The following LIPA variants were observed in gnomAD, a reference collection of about 807,000 sequenced individuals.
LIPA encodes the protein lysosomal acid lipase/cholesteryl ester hydrolase.
Under a neutral mutation model 40.6 loss-of-function variants are expected in LIPA, and 26 were observed. That is an observed-to-expected ratio of 0.64 (90% CI 0.47 to 0.89). The LOEUF is 0.89. Among genes scored for constraint, LIPA ranks in the 40% least tolerant of loss-of-function variants. The probability of loss-of-function intolerance (pLI) is 0.00; values close to 1 mark genes in which losing one functional copy is unlikely to be tolerated. For missense variants in LIPA, 455 were observed against 479.6 expected (o/e 0.95, Z 0.48); for synonymous variants, 188 against 168.4 (o/e 1.12, Z -0.90).
At position 89,384,466 on chromosome 10, in the gene LIPA, G is replaced by A. The variant is rs778626965; in HGVS notation, c.61+28325C>T. ...AAAGCAAGAGATTCATTACCACTAC[G>A]GCCGTTTCCAAGAACATCATGGGAA... On this transcript the variant is annotated intron_variant, in intron 2 of 8. Transcript: ENST00000371837. 7.4e-6 allele frequency: 12 copies of A among 1,613,978 alleles called. No homozygotes were observed. The highest frequency in any genetic ancestry group is 3.3e-5 in the South Asian group (3 of 91,084).
intron 3 of LIPA, among the ~76,000 whole-genome samples, chr10:89,231,784 A>AT (rs1299560829): frequency 5.3e-5 from 8 of 152,198 alleles, no homozygotes. Context: ...GGCTGGTGTG[A>AT]TTTTCTAATC....
intron 1 of LIPA, among the ~76,000 whole-genome samples, chr10:89,250,314 AG>A (rs1843101216): frequency 6.6e-6 from 1 of 152,022 alleles, no homozygotes; most frequent in African/African-American, 2.4e-5. Flanking sequence ...CGTGTTAGCC[AG>A]GATGGTCTCG....
intron 2 of LIPA, among the ~76,000 whole-genome samples, chr10:89,373,560 G>C (rs2133598587): frequency 1.3e-5 from 2 of 152,244 alleles, no homozygotes; most frequent in Middle Eastern, 6.8e-3. Flanking sequence ...ACTCTCTGTA[G>C]AGGTCAGTGC....
chr10:89,368,451 A>G (rs967314106), intron 2 of LIPA, among the ~76,000 whole-genome samples: 1 of 152,200 alleles, frequency 6.6e-6, no homozygotes, highest in Non-Finnish European at 1.5e-5. Context: ...GGACTTCCAC[A>G]AACATGCTCA....
At chr10:89,397,804 A>G (rs1844366789) in intron 2 of LIPA, among the ~76,000 whole-genome samples, 1 of 152,146 alleles carries the variant, frequency 6.6e-6, no homozygotes, top group Admixed American at 6.5e-5. Context: ...TACAGATGAG[A>G]GTCTTCTCTG....
At chr10:89,316,892 T>G (rs1843544237) in intron 1 of LIPA, among the ~76,000 whole-genome samples, 2 of 152,168 alleles carry the variant, frequency 1.3e-5, no homozygotes, top group South Asian at 4.1e-4. Context: ...AGAGAAAGGA[T>G]CAGGCAGCAA....
intron 2 of LIPA, chr10:89,412,543 A>G (rs1341802736): frequency 1.1e-5 from 2 of 179,610 alleles, no homozygotes; most frequent in South Asian, 7.8e-5. Flanking sequence ...GTCTGCTTCC[A>G]CGTCGTGGAA....
At chr10:89,234,690 G>A (rs567971905) in intron 3 of LIPA, among the ~76,000 whole-genome samples, 6 of 152,298 alleles carry the variant, frequency 3.9e-5, no homozygotes, top group East Asian at 3.9e-4. Context: ...CACCAAAGAA[G>A]GATTTAAGGA....
At chr10:89,215,770 A>G (rs945788836) in intron 9 of LIPA, among the ~76,000 whole-genome samples, 168 bp downstream of exon 9, 3 of 152,220 alleles carry the variant, frequency 2.0e-5, no homozygotes, top group African/African-American at 4.8e-5. Context: ...CCACAACACC[A>G]GCTACAAAGC....
At chr10:89,228,665 A>G (rs568131995) in intron 3 of LIPA, among the ~76,000 whole-genome samples, 61 of 152,360 alleles carry the variant, frequency 4.0e-4, no homozygotes, top group African/African-American at 1.3e-3. Context: ...AAAAATCAAT[A>G]TATTTTTAAG....
At chr10:89,378,392 C>T (rs989057811) in intron 2 of LIPA, among the ~76,000 whole-genome samples, 3 of 152,044 alleles carry the variant, frequency 2.0e-5, no homozygotes, top group African/African-American at 4.8e-5. Flanking sequence ...CGGGAAGAGG[C>T]GTGTTGGTTT....
At chr10:89,274,111 C>G (rs143901319) in intron 1 of LIPA, among the ~76,000 whole-genome samples, 9 of 152,326 alleles carry the variant, frequency 5.9e-5, no homozygotes, top group African/African-American at 2.2e-4. Flanking sequence ...ACTATAGGAA[C>G]TACTGGAGTT....
chr10:89,254,055 G>C (rs1228703565), upstream of LIPA, among the ~76,000 whole-genome samples: 1 of 152,178 alleles, frequency 6.6e-6, no homozygotes, highest in Non-Finnish European at 1.5e-5. Flanking sequence ...AGCTTTCCCA[G>C]GTGCACAGTG....
chr10:89,364,375 A>C (rs1419987951), intron 2 of LIPA, among the ~76,000 whole-genome samples: 2 of 152,188 alleles, frequency 1.3e-5, no homozygotes, highest in Non-Finnish European at 1.5e-5. Flanking sequence ...CAGGGAGTAC[A>C]GGAAGTCAAC....
rs148655994 is a variant in LIPA, at chr10:89,236,215, T to C, written c.230-7817A>G. 5.5e-3 allele frequency among the ~76,000 whole-genome samples: 831 copies of C among 152,332 alleles called. 7 individuals are homozygous for C. The highest frequency in any genetic ancestry group is 0.019 in the African/African-American group (778 of 41,560). ...CACTTACAGACCAAACATGGTGCCA[T>C]TGACAGTTAAGAGAAATGTAAACAA... On this transcript the variant is annotated intron_variant, in intron 3 of 9. Transcript: ENST00000336233.
chr10:89,377,703 C>T (rs967926762), intron 2 of LIPA, among the ~76,000 whole-genome samples: 3 of 152,278 alleles, frequency 2.0e-5, no homozygotes, highest in Admixed American at 6.5e-5. Context: ...AACCACCTGG[C>T]GGGATACATG....
At chr10:89,406,980 C>T (rs1841420933) in intron 2 of LIPA, among the ~76,000 whole-genome samples, 1 of 152,112 alleles carries the variant, frequency 6.6e-6, no homozygotes, top group African/African-American at 2.4e-5. Flanking sequence ...CAGTTAAAAG[C>T]AACTAGTGTG....
At chr10:89,360,721 A>C (rs779354036) in intron 2 of LIPA, among the ~76,000 whole-genome samples, 3 of 152,266 alleles carry the variant, frequency 2.0e-5, no homozygotes, top group Middle Eastern at 3.4e-3. Flanking sequence ...ATTCCCTAAG[A>C]TCACAGCAGT....
At chr10:89,334,406 T>C (rs1027093618) in intron 1 of LIPA, among the ~76,000 whole-genome samples, 12 of 151,392 alleles carry the variant, frequency 7.9e-5, no homozygotes, top group African/African-American at 2.9e-4. Flanking sequence ...CAGATCCAGG[T>C]AGGACTGGCA....
Sources: allele counts gnomAD v4.1 joint callset (sites outside exome capture counted in the v4.1 genomes callset), GRCh38; gene constraint gnomAD v4.1.1; transcripts MANE v1.5; gene names NCBI Gene and HGNC (gene_info 2026-07-23, HGNC 2026-07-21).